The following CACNA2D3 variants were observed in gnomAD, a reference collection of about 807,000 sequenced individuals.
The protein encoded by CACNA2D3 is calcium voltage-gated channel auxiliary subunit alpha2delta 3.
CACNA2D3 carries 60 observed loss-of-function variants against 160.6 expected under a neutral mutation model. That is an observed-to-expected ratio of 0.37 (90% confidence interval 0.30 to 0.46). CACNA2D3 has a LOEUF of 0.46. Among genes scored for constraint, CACNA2D3 ranks in the 20% least tolerant of loss-of-function variants. CACNA2D3 has a pLI of 1.00. For synonymous variants in CACNA2D3, 558 were observed against 492.9 expected, an observed-to-expected ratio of 1.13 and a Z score of -1.75; for missense variants, 1,205 against 1,365.0, an observed-to-expected ratio of 0.88 and a Z score of 1.85.
chr3:54,132,589 A>G (rs550979469), intron 2 of CACNA2D3, among the ~76,000 whole-genome samples: 20 of 152,360 alleles, frequency 1.3e-4, no homozygotes, highest in African/African-American at 4.8e-4. Context: ...TTATAGAGCC[A>G]TAGCTGGATT....
chr3:54,552,213 A>T (rs868051658), intron 5 of CACNA2D3, among the ~76,000 whole-genome samples: 1 of 152,032 alleles, frequency 6.6e-6, no homozygotes, highest in Non-Finnish European at 1.5e-5. Context: ...GGGGACTCCA[A>T]ATTGGTACCC....
intron 2 of CACNA2D3, among the ~76,000 whole-genome samples, chr3:54,250,580 C>T (rs1314437339): frequency 1.3e-5 from 2 of 152,096 alleles, no homozygotes; most frequent in African/African-American, 4.8e-5. Flanking sequence ...ACTAAAGGCT[C>T]ATGCCACAAT....
intron 5 of CACNA2D3, among the ~76,000 whole-genome samples, chr3:54,508,444 G>C (rs1701407078): frequency 1.3e-5 from 2 of 152,194 alleles, no homozygotes; most frequent in African/African-American, 4.8e-5. Flanking sequence ...GGGCCCTAGA[G>C]AGCAAGCTCC....
intron 5 of CACNA2D3, among the ~76,000 whole-genome samples, chr3:54,537,880 G>A (rs182546224): frequency 5.0e-4 from 76 of 152,264 alleles, no homozygotes; most frequent in African/African-American, 1.6e-3. Context: ...TTCTGGCCCC[G>A]ACTTGTACCT....
At chr3:54,318,324 A>G (rs1703914351) in intron 2 of CACNA2D3, among the ~76,000 whole-genome samples, 1 of 152,134 alleles carries the variant, frequency 6.6e-6, no homozygotes, top group Admixed American at 6.5e-5. Context: ...GAAGGAATAA[A>G]TGGTTTTTCA....
intron 4 of CACNA2D3, among the ~76,000 whole-genome samples, chr3:54,483,231 G>A (rs138549167): frequency 3.3e-5 from 5 of 152,144 alleles, no homozygotes; most frequent in African/African-American, 9.7e-5. Context: ...AGCTTGTTGC[G>A]TAAGTCTAAA....
intron 2 of CACNA2D3, among the ~76,000 whole-genome samples, chr3:54,151,952 A>G (rs1002253838): frequency 5.9e-5 from 9 of 152,252 alleles, no homozygotes. Context: ...TACTATTTCA[A>G]GCACCTTTGC....
intron 27 of CACNA2D3, among the ~76,000 whole-genome samples, chr3:54,953,736 G>A (rs1257315540): frequency 6.6e-6 from 1 of 152,148 alleles, no homozygotes; most frequent in African/African-American, 2.4e-5. Context: ...GCAACCTCGG[G>A]CTCCTGCCTC....
At chr3:54,247,798 T>A (rs991393277) in intron 2 of CACNA2D3, among the ~76,000 whole-genome samples, 1 of 152,140 alleles carries the variant, frequency 6.6e-6, no homozygotes, top group Non-Finnish European at 1.5e-5. Context: ...GGATGTCACA[T>A]CTGAGAATAG....
chr3:55,037,281 C>T (rs1419214663), intron 35 of CACNA2D3, among the ~76,000 whole-genome samples: 4 of 152,056 alleles, frequency 2.6e-5, no homozygotes, highest in Middle Eastern at 3.2e-3. Flanking sequence ...TTCTGGGCCA[C>T]GATTAGGAGA....
At chr3:54,795,686 C>G (rs1320889391) in intron 13 of CACNA2D3, among the ~76,000 whole-genome samples, 1 of 152,090 alleles carries the variant, frequency 6.6e-6, no homozygotes, top group Non-Finnish European at 1.5e-5. Context: ...TTGGATTTCT[C>G]TAGTTTTTAA....
chr3:54,677,457 C>T (rs1435883433), intron 11 of CACNA2D3, among the ~76,000 whole-genome samples: 1 of 152,094 alleles, frequency 6.6e-6, no homozygotes, highest in African/African-American at 2.4e-5. Context: ...GAACAGGCCT[C>T]TATTTAAAGA....
At chr3:54,535,003 T>C (rs58538497) in intron 5 of CACNA2D3, among the ~76,000 whole-genome samples, 31,213 of 152,208 alleles carry the variant, frequency 0.21, 3,506 homozygotes, top group East Asian at 0.31. Context: ...ACTTTATTTT[T>C]TCATGGTAAA....
At position 54,332,950 on chromosome 3, in the gene CACNA2D3, G is replaced by A. The variant is rs184563921; in HGVS notation, c.321+12392G>A. Among the ~76,000 whole-genome samples, 6 of 152,252 alleles carry A rather than the reference G, an allele frequency of 3.9e-5. No individual in the cohort carries two copies. The East Asian group carries it at 1.2e-3, about 29-fold the overall frequency. On this transcript the variant is annotated intron_variant, in intron 3 of 37. Coordinates refer to ENST00000474759, the MANE Select transcript of CACNA2D3 (RefSeq NM_018398.3). ...GGAAGGCTTTGAAATCGGGAGTCCT[G>A]GCCGTGCCACCCAGGGAACCCAGGG...
intron 4 of CACNA2D3, among the ~76,000 whole-genome samples, chr3:54,426,684 G>T (rs910142610): frequency 6.6e-6 from 1 of 152,204 alleles, no homozygotes; most frequent in South Asian, 2.1e-4. Context: ...GCCACAAATA[G>T]AGGATAGATG....
chr3:54,343,606 A>G (rs7428477), intron 3 of CACNA2D3, among the ~76,000 whole-genome samples: 2,512 of 152,250 alleles, frequency 0.016, 35 homozygotes, highest in South Asian at 0.038. Context: ...GTTTTGTCTT[A>G]TTATGTTGCA....
At chr3:55,004,989 C>G (rs1021085436) in intron 32 of CACNA2D3, among the ~76,000 whole-genome samples, 151 bp downstream of exon 32, 5 of 150,490 alleles carry the variant, frequency 3.3e-5, no homozygotes, top group Non-Finnish European at 5.9e-5. Context: ...AAAAAAAACA[C>G]TTCAGGCCGG....
rs553259852 is a variant in CACNA2D3, at chr3:54,410,001, G to T, written c.381+23227G>T. 3.2e-4 allele frequency among the ~76,000 whole-genome samples: 48 copies of T among 152,276 alleles called. 2 individuals carry two copies. In the South Asian group the frequency reaches 1.0e-2, roughly 32 times the overall value. On this transcript the variant is annotated intron_variant, in intron 4 of 37. Transcript: ENST00000474759. ...AAGGTGGCTATAGAAAACATATAAG[G>T]CTGATGCAACAACCTTATATTGGAA... is the stretch of plus-strand genomic sequence containing the variant.
chr3:54,546,417 A>C (rs1702065367), intron 5 of CACNA2D3, among the ~76,000 whole-genome samples: 1 of 152,156 alleles, frequency 6.6e-6, no homozygotes, highest in African/African-American at 2.4e-5. Context: ...TACAGTAGAA[A>C]TGCTTAAGTA....
Sources: allele counts gnomAD v4.1 joint callset (sites outside exome capture counted in the v4.1 genomes callset), GRCh38; gene constraint gnomAD v4.1.1; transcripts MANE v1.5; gene names NCBI Gene and HGNC (gene_info 2026-07-23, HGNC 2026-07-21).